Variants in PRKCE observed in about 807,000 individuals in gnomAD.
PRKCE encodes protein kinase C epsilon, also known as protein kinase C epsilon type.
A neutral mutation model predicts 85.4 loss-of-function variants in PRKCE; 16 were observed. The observed-to-expected ratio is 0.19, with a 90% CI of 0.13 to 0.28. PRKCE has a LOEUF of 0.28. Among genes scored for constraint, PRKCE ranks in the 10% least tolerant of loss-of-function variants. The probability of loss-of-function intolerance (pLI) is 1.00; values close to 1 mark genes in which losing one functional copy is unlikely to be tolerated. For synonymous variants in PRKCE, 388 were observed against 371.5 expected, an observed-to-expected ratio of 1.04 and a Z score of -0.51; for missense variants, 573 against 975.2, an observed-to-expected ratio of 0.59 and a Z score of 5.49.
At chr2:45,771,387 A>C (rs1399129683) in intron 1 of PRKCE, among the ~76,000 whole-genome samples, 1 of 152,112 alleles carries the variant, frequency 6.6e-6, no homozygotes, top group Non-Finnish European at 1.5e-5. Context: ...CAGACAGCTA[A>C]TGACAGGTTC....
intron 6 of PRKCE, among the ~76,000 whole-genome samples, chr2:45,989,702 A>T (rs1703640175): frequency 6.6e-6 from 1 of 152,098 alleles, no homozygotes; most frequent in African/African-American, 2.4e-5. Flanking sequence ...CATGCAGAAT[A>T]ATTTTTAATT....
At chr2:45,873,706 C>G (rs1694265169) in intron 2 of PRKCE, among the ~76,000 whole-genome samples, 1 of 152,316 alleles carries the variant, frequency 6.6e-6, no homozygotes, top group East Asian at 1.9e-4. Context: ...ATCTTTGTCT[C>G]CACTCTCCCA....
intron 1 of PRKCE, among the ~76,000 whole-genome samples, chr2:45,724,029 C>T (rs924527730): frequency 6.6e-6 from 1 of 152,208 alleles, no homozygotes; most frequent in Non-Finnish European, 1.5e-5. Flanking sequence ...TTTTCACTTC[C>T]TGGCTTCAGA....
intron 1 of PRKCE, among the ~76,000 whole-genome samples, chr2:45,763,019 T>G (rs909516551): frequency 1.3e-5 from 2 of 151,706 alleles, no homozygotes; most frequent in African/African-American, 4.8e-5. Context: ...TGGCGCGATC[T>G]CGGCTCACTG....
At chr2:45,672,828 C>T (rs993517700) in intron 1 of PRKCE, among the ~76,000 whole-genome samples, 4 of 152,070 alleles carry the variant, frequency 2.6e-5, no homozygotes, top group African/African-American at 9.7e-5. Flanking sequence ...AGTTTGAGAC[C>T]AGCCTGGGCA....
At chr2:45,919,557 G>C (rs371135748) in intron 2 of PRKCE, among the ~76,000 whole-genome samples, 1 of 152,308 alleles carries the variant, frequency 6.6e-6, no homozygotes, top group East Asian at 1.9e-4. Context: ...GGAGGGCCAC[G>C]GCACATTCTG....
chr2:45,684,318 A>G (rs1677122379), intron 1 of PRKCE, among the ~76,000 whole-genome samples: 1 of 152,108 alleles, frequency 6.6e-6, no homozygotes, highest in African/African-American at 2.4e-5. Flanking sequence ...CCATGAGGAG[A>G]TGGGGGGATA....
At chr2:46,120,208 A>T (rs1286112302) in intron 11 of PRKCE, among the ~76,000 whole-genome samples, 1 of 152,214 alleles carries the variant, frequency 6.6e-6, no homozygotes, top group Non-Finnish European at 1.5e-5. Context: ...TCACCTCCCC[A>T]GTGAAAAGTG....
intron 1 of PRKCE, chr2:45,686,330 T>G (rs1677296353): frequency 6.6e-6 from 1 of 152,204 alleles, no homozygotes; most frequent in Admixed American, 6.5e-5. Flanking sequence ...TACATGGGGC[T>G]TAGGGGGTCA....
At chr2:45,863,140 A>G (rs893981512) in intron 2 of PRKCE, among the ~76,000 whole-genome samples, 3 of 152,126 alleles carry the variant, frequency 2.0e-5, no homozygotes, top group East Asian at 3.8e-4. Context: ...GAAGTTGGGT[A>G]TGCAGAATTA....
chr2:46,061,271 A>G (rs1486744804), intron 10 of PRKCE, among the ~76,000 whole-genome samples: 1 of 151,662 alleles, frequency 6.6e-6, no homozygotes, highest in Non-Finnish European at 1.5e-5. Context: ...CACCATGCCC[A>G]GCTAATTTTT....
intron 1 of PRKCE, among the ~76,000 whole-genome samples, chr2:45,719,716 C>G (rs1414613980): frequency 1.3e-5 from 2 of 152,114 alleles, no homozygotes; most frequent in African/African-American, 2.4e-5. Flanking sequence ...CCCCCTTTTA[C>G]AATCTAGATC....
chr2:45,834,284 G>T (rs1158580326), intron 1 of PRKCE, among the ~76,000 whole-genome samples: 1 of 152,202 alleles, frequency 6.6e-6, no homozygotes, highest in Non-Finnish European at 1.5e-5. Context: ...GTTTTGAGGG[G>T]TGTTTATTTA....
intron 10 of PRKCE, among the ~76,000 whole-genome samples, chr2:46,012,116 T>C (rs965167795): frequency 2.0e-5 from 3 of 152,194 alleles, no homozygotes; most frequent in Non-Finnish European, 1.5e-5. Context: ...GAGTTAACTT[T>C]CTTCTTTTTT....
At chr2:45,784,528 T>C (rs973594353) in intron 1 of PRKCE, among the ~76,000 whole-genome samples, 9 of 152,250 alleles carry the variant, frequency 5.9e-5, no homozygotes, top group African/African-American at 2.2e-4. Context: ...ATTTGATGTC[T>C]TCCCAGTTCA....
At chr2:45,716,630 GAGAAGAAGA>G (rs139135622) in intron 1 of PRKCE, among the ~76,000 whole-genome samples, 1 of 146,302 alleles carries the variant, frequency 6.8e-6, no homozygotes, top group African/African-American at 2.5e-5. Flanking sequence ...GAAGGAGAAG[GAGAAGAAGA>G]AGAAGAAGAA....
At chr2:45,776,428 C>T (rs1181759572) in intron 1 of PRKCE, among the ~76,000 whole-genome samples, 1 of 152,154 alleles carries the variant, frequency 6.6e-6, no homozygotes. Context: ...CTGAAGAGAA[C>T]AAATAACCAG....
At chr2:45,756,412 C>G (rs1213399397) in intron 1 of PRKCE, among the ~76,000 whole-genome samples, 1 of 152,184 alleles carries the variant, frequency 6.6e-6, no homozygotes, top group Non-Finnish European at 1.5e-5. Context: ...ATCGTATAGT[C>G]TCTCTGGAAA....
Position 46,145,951 on chromosome 2 carries a change from G to C in PRKCE, c.1731+720G>C, listed in dbSNP as rs546489111. 6.6e-6 allele frequency among the ~76,000 whole-genome samples: 1 copy of C among 152,284 alleles called. No homozygotes were observed. The highest frequency in any genetic ancestry group is 2.1e-4 in the South Asian group (1 of 4,822). On this transcript the variant is annotated intron_variant, in intron 12 of 14. Transcript: ENST00000306156. This position sits in a 1 kb window ranked among gnomAD's most constrained non-coding sequence, Gnocchi z 4.6. Reference sequence around the variant, plus strand: ...CACTTCACTTTATCAGCTACAATTTGCTAACAGTAAAACTAGGAACTGTTT... The same window carrying C: ...CACTTCACTTTATCAGCTACAATTTCCTAACAGTAAAACTAGGAACTGTTT...
Sources: allele counts gnomAD v4.1 joint callset (sites outside exome capture counted in the v4.1 genomes callset), GRCh38; gene constraint gnomAD v4.1.1; non-coding constraint Gnocchi (gnomAD v3.1); transcripts MANE v1.5; gene names NCBI Gene and HGNC (gene_info 2026-07-23, HGNC 2026-07-21).